The following LEF1 variants were observed in gnomAD, a reference collection of about 807,000 sequenced individuals.
LEF1 encodes the protein lymphoid enhancer binding factor 1.
LEF1 carries 14 observed loss-of-function variants against 51.2 expected under a neutral mutation model. The observed-to-expected ratio is 0.27, with a 90% CI of 0.18 to 0.43. The LOEUF is 0.43. LEF1 is among the 20% of genes least tolerant of loss of function. The pLI, the probability that LEF1 is intolerant of heterozygous loss-of-function variation, is 1.00. For missense variants in LEF1, 386 were observed against 512.0 expected (o/e 0.75, Z 2.37); for synonymous variants, 185 against 183.2 (o/e 1.01, Z -0.08).
intron 11 of LEF1, among the ~76,000 whole-genome samples, chr4:108,061,637 T>G (rs1459245774): frequency 1.6e-5 from 1 of 60,732 alleles, no homozygotes; most frequent in Non-Finnish European, 4.6e-5. Flanking sequence ...AACAATTTTT[T>G]TTTTCAAAAA....
rs72660448 is a variant in LEF1, at chr4:108,168,338, A to T, written c.-571T>A. 2.7e-3 allele frequency: 410 copies of T among 152,462 alleles called. 1 individual carries two copies. The highest frequency in any genetic ancestry group is 4.1e-3 in the Non-Finnish European group (276 of 68,146). The allele number at this position is 152,462 out of a possible 1,614,324, so 9.4% of individuals were successfully genotyped here. A position where few individuals can be genotyped will look rare whatever the true frequency, so the allele number is the denominator to read the frequency against. On this transcript the variant is annotated 5_prime_UTR_variant, in exon 1 of 12. Coordinates refer to ENST00000265165, the MANE Select transcript of LEF1 (RefSeq NM_016269.5). This position sits in a 1 kb window ranked among gnomAD's most constrained non-coding sequence, Gnocchi z 4.6. The stretch of plus-strand genomic sequence containing the variant: ...AAAGAAGGTGCAAGGATCAGAAGAT[A>T]ACGAAACGTCCACTTCCTGAAGGGT...
In LEF1 at chr4:108,081,143, AT is replaced by A. The variant is rs1739271235; in HGVS notation, c.722+442del. 2.0e-5 allele frequency among the ~76,000 whole-genome samples: 3 copies of A among 152,144 alleles called. No individual in the cohort carries two copies. The South Asian group carries it at 6.2e-4, about 32-fold the overall frequency. Reference sequence around the variant, plus strand: ...CAGGAAGGCTCTAGACTATCTGGGCATTTTCAAACACTGCCGCATCAAACTG... The same window carrying A: ...CAGGAAGGCTCTAGACTATCTGGGCATTTCAAACACTGCCGCATCAAACTG... On this transcript the variant is annotated intron_variant, in intron 6 of 11. Coordinates refer to ENST00000265165, the MANE Select transcript of LEF1 (RefSeq NM_016269.5).
chr4:108,132,832 C>G (rs1291866809), intron 3 of LEF1, among the ~76,000 whole-genome samples: 1 of 151,308 alleles, frequency 6.6e-6, no homozygotes. Flanking sequence ...CAACACCCAC[C>G]TAATTTTTTG....
At chr4:108,062,547 T>C (rs1737765766) in intron 11 of LEF1, among the ~76,000 whole-genome samples, 1 of 152,132 alleles carries the variant, frequency 6.6e-6, no homozygotes, top group Non-Finnish European at 1.5e-5. Context: ...ACCCACACAC[T>C]CAGTGGCGGG....
In LEF1 at chr4:108,099,542, ATGTG is replaced by A. The variant is rs67372037; in HGVS notation, c.415-10289_415-10286del. Among the ~76,000 whole-genome samples the A allele has an allele frequency of 1.3e-4, 15 of 116,986 alleles. 1 individual carries two copies. Among genetic ancestry groups the A allele is most frequent in the African/African-American group, 3.3e-4 (9 of 27,128 alleles). 76.7% of individuals were successfully genotyped at this position (116,986 alleles called of 152,430 possible). On this transcript the variant is annotated intron_variant, in intron 3 of 11. Coordinates refer to ENST00000265165, the MANE Select transcript of LEF1 (RefSeq NM_016269.5). The stretch of plus-strand genomic sequence containing the variant: ...TGTATATATATATATATATGTGTAT[ATGTG>A]TGTGTGTGTATGTGTGTGTGTGTGT...
intron 3 of LEF1, among the ~76,000 whole-genome samples, chr4:108,149,571 ATAAAT>A (rs1342455230): frequency 1.3e-5 from 2 of 150,904 alleles, no homozygotes; most frequent in Non-Finnish European, 3.0e-5. Context: ...GATAAATCCA[ATAAAT>A]TAAAGTGTGT....
intron 1 of LEF1, chr4:108,166,942 AC>A: frequency 2.1e-6 from 1 of 485,340 alleles, no homozygotes; most frequent in African/African-American, 2.1e-5. Flanking sequence ...CAGGGACTGA[AC>A]CCCGCACCGC....
chr4:108,100,722 G>C (rs1387062246), intron 3 of LEF1, among the ~76,000 whole-genome samples: 1 of 152,100 alleles, frequency 6.6e-6, no homozygotes, highest in Non-Finnish European at 1.5e-5. Context: ...GCCTGAAATT[G>C]GTCATGGTAG....
intron 1 of LEF1, chr4:108,166,202 A>C: frequency 2.7e-6 from 4 of 1,480,624 alleles, no homozygotes; most frequent in Non-Finnish European, 3.6e-6. Flanking sequence ...CTCAAACTGG[A>C]TTCAACGGGT....
chr4:108,166,334 A>C, intron 1 of LEF1: 1 of 1,524,982 alleles, frequency 6.6e-7, no homozygotes, highest in South Asian at 1.2e-5. Context: ...TTAAAACCCA[A>C]AATGTCCCCG....
At chr4:108,100,762 G>T (rs1740767043) in intron 3 of LEF1, among the ~76,000 whole-genome samples, 1 of 152,156 alleles carries the variant, frequency 6.6e-6, no homozygotes, top group Admixed American at 6.5e-5. Flanking sequence ...ATTGGCACAT[G>T]TGAAAAGTCC....
intron 8 of LEF1, among the ~76,000 whole-genome samples, chr4:108,071,506 G>A (rs1738472414): frequency 6.6e-6 from 1 of 152,206 alleles, no homozygotes; most frequent in Admixed American, 6.5e-5. Flanking sequence ...TATGAAGAAT[G>A]TAGCTGCTAA....
chr4:108,149,391 G>A (rs1251618231), intron 3 of LEF1, among the ~76,000 whole-genome samples: 3 of 143,042 alleles, frequency 2.1e-5, no homozygotes, highest in East Asian at 2.0e-4. Context: ...CCCGGGAGGC[G>A]GAGCTTGCAG....
chr4:108,078,077 C>T lies in LEF1; in HGVS notation c.1008+143G>A, dbSNP rs1342034292. On this transcript the variant is annotated intron_variant, in intron 8 of 11. Transcript: ENST00000265165. ...AAAGAATAACAGTAAAAACAGTTAT[C>T]AAAATTCTTTAAAATGCATCATATC... is the stretch of plus-strand genomic sequence containing the variant. 3.7e-6 allele frequency: 3 copies of T among 812,966 alleles called. No homozygotes were observed. In the African/African-American group the frequency reaches 5.1e-5, roughly 14 times the overall value. 50.4% of individuals were successfully genotyped at this position (812,966 alleles called of 1,614,324 possible). A position where few individuals can be genotyped will look rare whatever the true frequency, so the allele number is the denominator to read the frequency against.
chr4:108,089,988 CT>C (rs1375110900), intron 3 of LEF1, among the ~76,000 whole-genome samples: 1 of 149,238 alleles, frequency 6.7e-6, no homozygotes. Flanking sequence ...GAAATACTGT[CT>C]TTTTTTTTTG....
At chr4:108,136,666 C>T (rs976565118) in intron 3 of LEF1, among the ~76,000 whole-genome samples, 34 of 152,064 alleles carry the variant, frequency 2.2e-4, no homozygotes, top group South Asian at 4.2e-4. Flanking sequence ...GTAATTCTTA[C>T]GGTGACTGAA....
At chr4:108,138,960 C>A (rs12641774) in intron 3 of LEF1, among the ~76,000 whole-genome samples, 132,580 of 152,274 alleles carry the variant, frequency 0.87, 58,273 homozygotes, top group East Asian at 0.96. Context: ...GGATGGATTA[C>A]GGATAGGAAA....
At chr4:108,146,289 A>G (rs2110384107) in intron 3 of LEF1, among the ~76,000 whole-genome samples, 1 of 152,366 alleles carries the variant, frequency 6.6e-6, no homozygotes, top group Non-Finnish European at 1.5e-5. Context: ...TGAGCAGAGG[A>G]TGAGCAGAAA....
chr4:108,069,548 A>T (rs570062865), intron 9 of LEF1, among the ~76,000 whole-genome samples: 1 of 152,260 alleles, frequency 6.6e-6, no homozygotes, highest in Non-Finnish European at 1.5e-5. Context: ...ACATGAAAAA[A>T]GATTTTTTTA....
Sources: allele counts gnomAD v4.1 joint callset (sites outside exome capture counted in the v4.1 genomes callset), GRCh38; gene constraint gnomAD v4.1.1; non-coding constraint Gnocchi (gnomAD v3.1); transcripts MANE v1.5; gene names NCBI Gene and HGNC (gene_info 2026-07-23, HGNC 2026-07-21).